The following BCO2 variants were observed in gnomAD, a reference collection of about 807,000 sequenced individuals.
The protein encoded by BCO2 is carotenoid-cleaving dioxygenase, mitochondrial.
A neutral mutation model predicts 65.8 loss-of-function variants in BCO2; 56 were observed. The observed-to-expected ratio is 0.85, with a 90% CI of 0.69 to 1.06. The LOEUF (loss-of-function observed/expected upper bound fraction) is 1.06. Ranked by LOEUF, BCO2 falls within the 50% of genes least tolerant of loss-of-function variation. The probability of loss-of-function intolerance (pLI) is 0.00; values close to 1 mark genes in which losing one functional copy is unlikely to be tolerated. For synonymous variants in BCO2, 233 were observed against 242.3 expected, an observed-to-expected ratio of 0.96 and a Z score of 0.36; for missense variants, 675 against 698.5, an observed-to-expected ratio of 0.97 and a Z score of 0.38.
chr11:112,200,840 A>AT (rs201684316), intron 7 of BCO2, 67 bp downstream of exon 7: 1 of 1,533,280 alleles, frequency 6.5e-7, no homozygotes, highest in African/African-American at 1.4e-5. Context: ...CATATAGTTG[A>AT]TTTTTTAAAA....
chr11:112,199,443 T>C (rs1233150392), intron 5 of BCO2, among the ~76,000 whole-genome samples: 1 of 152,166 alleles, frequency 6.6e-6, no homozygotes, highest in African/African-American at 2.4e-5. Context: ...GAATTAGAGA[T>C]GAAGTTAGCA....
intron 2 of BCO2, chr11:112,182,826 C>A (rs1867091666): frequency 1.7e-6 from 1 of 602,394 alleles, no homozygotes; most frequent in African/African-American, 3.4e-5. Context: ...ACGTGGTGCA[C>A]ATGTACCCTA....
intron 5 of BCO2, among the ~76,000 whole-genome samples, chr11:112,198,957 TA>T (rs950222075): frequency 3.4e-4 from 51 of 151,930 alleles, no homozygotes; most frequent in African/African-American, 1.2e-3. Flanking sequence ...CATTATATAA[TA>T]GCTCTTTTTT....
Position 112,184,588 on chromosome 11 carries a change from G to A in BCO2, c.293+5106G>A, listed in dbSNP as rs1025468157. 2.6e-5 allele frequency among the ~76,000 whole-genome samples: 4 copies of A among 151,850 alleles called. 1 individual carries two copies. The highest frequency in any genetic ancestry group is 1.9e-4 in the East Asian group (1 of 5,188). ...GAATTTTAAACACACATTTGATTACGGCCACCAAAAAATATATATAAAGTA... is the reference window on the plus strand; with the variant it reads ...GAATTTTAAACACACATTTGATTACAGCCACCAAAAAATATATATAAAGTA... On this transcript the variant is annotated intron_variant, in intron 2 of 11. Transcript: ENST00000357685.
rs7123686 is a variant in BCO2, at chr11:112,194,760, A to C, written c.736+5A>C. ...GGAACTCCTTTGGGCCATATGGTAAAGTTGCAATAAAGGTCTTTTTAGAAA... is the reference window on the plus strand; with the variant it reads ...GGAACTCCTTTGGGCCATATGGTAACGTTGCAATAAAGGTCTTTTTAGAAA... On this transcript the variant is annotated splice_donor_5th_base_variant and intron_variant, in intron 5 of 11. Coordinates refer to ENST00000357685, the MANE Select transcript of BCO2 (RefSeq NM_031938.7). 0.36 allele frequency: 552,460 copies of C among 1,554,594 alleles called. 102,159 individuals are homozygous for C. Among genetic ancestry groups the C allele is most frequent in the South Asian group, 0.58 (50,852 of 88,004 alleles).
At chr11:112,194,021 T>G in intron 4 of BCO2, 27 bp downstream of exon 4, 1 of 1,156,842 alleles carries the variant, frequency 8.6e-7, no homozygotes, top group Non-Finnish European at 1.3e-6. Flanking sequence ...AAAAAATGAA[T>G]AAAATAGATC....
chr11:112,202,527 C>T (rs1186940343), intron 8 of BCO2, among the ~76,000 whole-genome samples: 1 of 152,114 alleles, frequency 6.6e-6, no homozygotes, highest in African/African-American at 2.4e-5. Flanking sequence ...AGTAATCTGA[C>T]TGCTTCAGCC....
intron 5 of BCO2, among the ~76,000 whole-genome samples, chr11:112,196,044 C>G (rs970263699): frequency 6.6e-6 from 1 of 152,174 alleles, no homozygotes; most frequent in Non-Finnish European, 1.5e-5. Flanking sequence ...CAAAGTTCAG[C>G]TGACAGTATT....
At chr11:112,205,132 A>G (rs954491888) in intron 8 of BCO2, among the ~76,000 whole-genome samples, 2 of 152,218 alleles carry the variant, frequency 1.3e-5, no homozygotes, top group Non-Finnish European at 2.9e-5. Context: ...GTCAAAAGTT[A>G]TGTGTGGATT....
At chr11:112,198,575 A>G (rs748110993) in intron 5 of BCO2, among the ~76,000 whole-genome samples, 18 of 152,156 alleles carry the variant, frequency 1.2e-4, no homozygotes, top group Non-Finnish European at 2.2e-4. Context: ...AGGACATACA[A>G]TAGGGGCACC....
At chr11:112,193,263 C>A (rs1468069695) in intron 2 of BCO2, among the ~76,000 whole-genome samples, 1 of 152,028 alleles carries the variant, frequency 6.6e-6, no homozygotes, top group Non-Finnish European at 1.5e-5. Flanking sequence ...CAGGCGTGAG[C>A]CACCGCGCCC....
intron 7 of BCO2, among the ~76,000 whole-genome samples, 158 bp downstream of exon 7, chr11:112,200,931 A>AT (rs1867715099): frequency 6.6e-6 from 1 of 152,226 alleles, no homozygotes; most frequent in Admixed American, 6.5e-5. Flanking sequence ...GCTACTTATT[A>AT]ATTAGTACGA....
intron 5 of BCO2, among the ~76,000 whole-genome samples, chr11:112,196,620 C>G (rs1291358444): frequency 6.6e-6 from 1 of 152,144 alleles, no homozygotes; most frequent in African/African-American, 2.4e-5. Flanking sequence ...CATCACTGTA[C>G]AAAGCATGAT....
chr11:112,175,876 T>C (rs1433198146), intron 1 of BCO2, 187 bp downstream of exon 1: 1 of 520,954 alleles, frequency 1.9e-6, no homozygotes, highest in Admixed American at 3.1e-5. Flanking sequence ...TGTTTCCTCA[T>C]GGTCAGGGAA....
At position 112,200,683 on chromosome 11, in the gene BCO2, TA is replaced by T; in HGVS notation, c.940del (p.Ile314PhefsTer10). On this transcript the variant is annotated frameshift_variant, in exon 7 of 12. Coordinates refer to ENST00000357685, the MANE Select transcript of BCO2 (RefSeq NM_031938.7). LOFTEE classifies it high-confidence loss of function. ...TGAACCTGTGGAAAATTGCCACTTC[TA>T]AAATTCGGGGAAAGGCCTTTTCAGA... ...KMNLWKIATS[K>X]IRGKAFSDGI... 6.2e-7 allele frequency: 1 copy of T among 1,613,980 alleles called. No individual in the cohort carries two copies. The highest frequency in any genetic ancestry group is 1.1e-5 in the South Asian group (1 of 91,064).
At chr11:112,199,293 C>G (rs1318480825) in intron 5 of BCO2, among the ~76,000 whole-genome samples, 1 of 152,100 alleles carries the variant, frequency 6.6e-6, no homozygotes, top group African/African-American at 2.4e-5. Flanking sequence ...TGAACTCATC[C>G]TTTTTTATGG....
chr11:112,200,647 A>T lies in BCO2; in HGVS notation c.900A>T (p.Gln300His). The T allele has an allele frequency of 6.2e-7, 1 of 1,611,588 alleles. No homozygotes were observed. Among genetic ancestry groups the T allele is most frequent in the South Asian group, 1.1e-5 (1 of 90,690 alleles). ...GGAACTATATAATTTTCATTGAACA[A>T]CCTCTAAAGATGAACCTGTGGAAAA... is the stretch of plus-strand genomic sequence containing the variant. ...MTRNYIIFIEQPLKMNLWKIA... is the reference protein window; with the variant it reads ...MTRNYIIFIEHPLKMNLWKIA... The change falls in exon 7 of 12, where the codon CAA becomes CAT. Residue 300 changes from glutamine (Q) to histidine (H), a missense_variant. Gln to His is a conservative substitution (Grantham distance 24). Transcript: ENST00000357685.
intron 5 of BCO2, among the ~76,000 whole-genome samples, chr11:112,196,076 A>G (rs958397489): frequency 1.1e-4 from 17 of 152,144 alleles, no homozygotes; most frequent in African/African-American, 4.1e-4. Flanking sequence ...ATCTTTCTGG[A>G]CATTCCTCTG....
chr11:112,204,767 A>T (rs7935558), intron 8 of BCO2, among the ~76,000 whole-genome samples: 6 of 152,146 alleles, frequency 3.9e-5, no homozygotes, highest in Non-Finnish European at 8.8e-5. Context: ...CCGCCTCCTC[A>T]GTTCAAGCAA....
Sources: gnomAD v4.1 joint callset for allele counts (sites outside exome capture counted in the v4.1 genomes callset) on GRCh38, gnomAD v4.1.1 for gene constraint, MANE v1.5 for transcripts, NCBI Gene and HGNC (gene_info 2026-07-23, HGNC 2026-07-21) for gene names.